SERTAD3: variants seen among roughly 807,000 people sequenced by gnomAD.
SERTAD3 encodes SERTA domain containing 3, also known as SERTA domain-containing protein 3.
SERTAD3 carries 6 observed loss-of-function variants against 11.9 expected under a neutral mutation model. The ratio of observed to expected loss-of-function variants is 0.50; its 90% CI spans 0.28 to 0.99. The LOEUF (loss-of-function observed/expected upper bound fraction) is 0.99. SERTAD3 is among the 50% of genes least tolerant of loss of function. SERTAD3 has a pLI of 0.11. For synonymous variants in SERTAD3, 101 were observed against 98.9 expected (o/e 1.02, Z -0.13); for missense variants, 261 against 240.9 (o/e 1.08, Z -0.55).
Position 40,440,944 on chromosome 19 carries a change from G to A in SERTAD3, c.*546C>T, listed in dbSNP as rs1309630491. 2 of 151,524 alleles carry A rather than the reference G, an allele frequency of 1.3e-5. No homozygotes were observed. Among genetic ancestry groups the A allele is most frequent in the Non-Finnish European group, 2.9e-5 (2 of 67,922 alleles). 9.4% of individuals were successfully genotyped at this position (151,524 alleles called of 1,614,324 possible). On this transcript the variant is annotated 3_prime_UTR_variant, in exon 2 of 2. Coordinates refer to ENST00000322354, the MANE Select transcript of SERTAD3 (RefSeq NM_203344.3). ...CCTTTCTTTTAAATAACCCGGCATG[G>A]AGCAGTTTGGTTTCCACCCTATTGC...
intron 1 of SERTAD3, among the ~76,000 whole-genome samples, chr19:40,442,919 T>C (rs2079689115): frequency 6.6e-6 from 1 of 152,092 alleles, no homozygotes; most frequent in Non-Finnish European, 1.5e-5. Flanking sequence ...GCCTACTATA[T>C]TCGAAATCTC....
chr19:40,442,016 C>T lies in SERTAD3; in HGVS notation c.65G>A (p.Ser22Asn). The T allele has an allele frequency of 6.6e-7, 1 of 1,518,254 alleles. No individual in the cohort carries two copies. Among genetic ancestry groups the T allele is most frequent in the Non-Finnish European group, 8.8e-7 (1 of 1,136,196 alleles). The allele number at this position is 1,518,254 out of a possible 1,614,324, so 94.0% of individuals were successfully genotyped here. Residue 22 changes from serine (S) to asparagine (N), a missense_variant, in exon 2 of 2, where the codon AGT (serine) becomes AAT (asparagine). Physicochemically the swap from Ser to Asn is conservative, Grantham distance 46. Coordinates refer to ENST00000322354, the MANE Select transcript of SERTAD3 (RefSeq NM_203344.3). ...CTGGTAGCTCTGAAGGCCTGCTGGA[C>T]TCCACTCCCACCTCTCCTCCTCCTC... ...LEEEEERWEW[S>N]PAGLQSYQQA...
chr19:40,443,291 C>T (rs1291400282), intron 1 of SERTAD3: 2 of 152,306 alleles, frequency 1.3e-5, no homozygotes, highest in African/African-American at 4.8e-5. Flanking sequence ...GCACGCACTA[C>T]AATCCCCAGA....
At position 40,441,738 on chromosome 19, in the gene SERTAD3, G is replaced by A; in HGVS notation, c.343C>T (p.Pro115Ser). The A allele has an allele frequency of 6.2e-7, 1 of 1,614,108 alleles. No homozygotes were observed. Among genetic ancestry groups the A allele is most frequent in the Non-Finnish European group, 8.5e-7 (1 of 1,179,996 alleles). Residue 115 changes from proline to serine, a missense_variant, in exon 2 of 2, where the codon CCA (proline) becomes TCA (serine). Coordinates refer to ENST00000322354, the MANE Select transcript of SERTAD3 (RefSeq NM_203344.3). ...TTCTGGAGGCCAAGGGGAGTCACTG[G>A]ATTCTGAGGGGGCTCAGTCCCATCC... ...SMDGTEPPQN[P>S]VTPLGLQNEV...
chr19:40,441,054 C>G lies in SERTAD3; in HGVS notation c.*436G>C, dbSNP rs2368579. The G allele has an allele frequency of 0.25, 38,306 of 155,460 alleles. 6,014 individuals carry two copies. Among genetic ancestry groups the G allele is most frequent in the African/African-American group, 0.45 (18,707 of 41,410 alleles). The allele number at this position is 155,460 out of a possible 1,614,324, so 9.6% of individuals were successfully genotyped here. On this transcript the variant is annotated 3_prime_UTR_variant, in exon 2 of 2. Coordinates refer to ENST00000322354, the MANE Select transcript of SERTAD3 (RefSeq NM_203344.3). ...AGTGGGGTTCAGCCTGGAGGGAGGACACCAGCCCCTCCCACCCCCTCAAGG... is the reference window on the plus strand; with the variant it reads ...AGTGGGGTTCAGCCTGGAGGGAGGAGACCAGCCCCTCCCACCCCCTCAAGG...
rs1479575610 is a variant in SERTAD3 at position 40,444,241 on chromosome 19, C to A, written c.-33G>T. 1 of 152,492 alleles carries A rather than the reference C, an allele frequency of 6.6e-6. No homozygotes were observed. Among genetic ancestry groups the A allele is most frequent in the Non-Finnish European group, 1.5e-5 (1 of 68,254 alleles). 9.4% of individuals were successfully genotyped at this position (152,492 alleles called of 1,614,324 possible). On this transcript the variant is annotated 5_prime_UTR_variant, in exon 1 of 2. Coordinates refer to ENST00000322354, the MANE Select transcript of SERTAD3 (RefSeq NM_203344.3). Reference sequence around the variant, plus strand: ...GCAGCTGCCAGGTTCGCCACGACCACCTCCTGGAACGCCCACAGCGTTGCG... The same window carrying A: ...GCAGCTGCCAGGTTCGCCACGACCAACTCCTGGAACGCCCACAGCGTTGCG...
At chr19:40,444,052 G>A (rs569159921) in intron 1 of SERTAD3, 163 bp downstream of exon 1, 1 of 152,518 alleles carries the variant, frequency 6.6e-6, no homozygotes, top group African/African-American at 2.4e-5. Flanking sequence ...CCCCTCCTGG[G>A]TCTTGAACTC....
intron 1 of SERTAD3, among the ~76,000 whole-genome samples, chr19:40,443,092 G>A (rs2079690381): frequency 6.6e-6 from 1 of 151,730 alleles, no homozygotes; most frequent in Non-Finnish European, 1.5e-5. Flanking sequence ...GCGCCCCATA[G>A]GAAAACTTGC....
Position 40,442,097 on chromosome 19 carries a change from A to G in SERTAD3, c.-6-11T>C. The G allele has an allele frequency of 7.0e-7, 1 of 1,429,814 alleles. No individual in the cohort carries two copies. Among genetic ancestry groups the G allele is most frequent in the Non-Finnish European group, 9.2e-7 (1 of 1,086,070 alleles). The allele number at this position is 1,429,814 out of a possible 1,614,324, so 88.6% of individuals were successfully genotyped here. ...TCCCACCATGATGCCCTGTAGAGAGAAGAGGCGCATAGGGGAAGGTCAGAC... is the reference window on the plus strand; with the variant it reads ...TCCCACCATGATGCCCTGTAGAGAGGAGAGGCGCATAGGGGAAGGTCAGAC... On this transcript the variant is annotated splice_polypyrimidine_tract_variant and intron_variant, in intron 1 of 1. Transcript: ENST00000322354.
At chr19:40,443,133 C>G (rs548390809) in intron 1 of SERTAD3, among the ~76,000 whole-genome samples, 140 of 152,168 alleles carry the variant, frequency 9.2e-4, no homozygotes, top group African/African-American at 3.1e-3. Context: ...GCCCCGCCCC[C>G]TCGGAGGTCC....
chr19:40,443,169 A>G (rs1167770896), intron 1 of SERTAD3, among the ~76,000 whole-genome samples: 18 of 151,572 alleles, frequency 1.2e-4, no homozygotes, highest in African/African-American at 4.4e-4. Flanking sequence ...CGACACTGTA[A>G]GGCCCCGCCC....
chr19:40,442,841 G>T (rs1300901012), intron 1 of SERTAD3, among the ~76,000 whole-genome samples: 1 of 152,134 alleles, frequency 6.6e-6, no homozygotes, highest in Non-Finnish European at 1.5e-5. Flanking sequence ...GAGTAGCTGG[G>T]ATTACCACCA....
At chr19:40,442,143 C>T (rs62109496) in intron 1 of SERTAD3, 57 bp from the exon 2 acceptor site, 8 of 1,068,346 alleles carry the variant, frequency 7.5e-6, no homozygotes, top group Non-Finnish European at 1.0e-5. Flanking sequence ...GTAGTGCTGG[C>T]TCATATCCCA....
At chr19:40,443,050 C>T (rs2084106375) in intron 1 of SERTAD3, among the ~76,000 whole-genome samples, 2 of 151,802 alleles carry the variant, frequency 1.3e-5, no homozygotes, top group African/African-American at 2.4e-5. Flanking sequence ...TGTCTCATTC[C>T]CTCTGCCCAC....
At position 40,441,531 on chromosome 19, in the gene SERTAD3, T is replaced by G; in HGVS notation, c.550A>C (p.Asn184His). 6.2e-7 allele frequency: 1 copy of G among 1,613,408 alleles called. No individual in the cohort carries two copies. Among genetic ancestry groups the G allele is most frequent in the Non-Finnish European group, 8.5e-7 (1 of 1,179,808 alleles). ...ATTTCCATGATGTGATCCAGTTCATTCCACTCCCAAGAACCTGGGGCACAG... is the reference window on the plus strand; with the variant it reads ...ATTTCCATGATGTGATCCAGTTCATGCCACTCCCAAGAACCTGGGGCACAG... The part of the protein sequence containing the change: ...LFCAPGSWEW[N>H]ELDHIMEIIL... The change falls in exon 2 of 2, where the codon AAT becomes CAT. Residue 184 changes from asparagine to histidine, a missense_variant. Transcript: ENST00000322354.
In SERTAD3 at chr19:40,441,641, A is replaced by G; in HGVS notation, c.440T>C (p.Leu147Pro). The change falls in exon 2 of 2, where the codon CTG (leucine) becomes CCG (proline). Residue 147 changes from leucine to proline, a missense_variant. Coordinates refer to ENST00000322354, the MANE Select transcript of SERTAD3 (RefSeq NM_203344.3). ...LSSRYLGDSGLDDFFLDIDTS... is the reference protein window; with the variant it reads ...LSSRYLGDSGPDDFFLDIDTS... ...GTCAATGTCCAGAAAGAAGTCATCCAGGCCAGAGTCCCCCAAGTACCGGGA... is the reference window on the plus strand; with the variant it reads ...GTCAATGTCCAGAAAGAAGTCATCCGGGCCAGAGTCCCCCAAGTACCGGGA... 6.2e-7 allele frequency: 1 copy of G among 1,614,192 alleles called. No individual in the cohort carries two copies. The highest frequency in any genetic ancestry group is 8.5e-7 in the Non-Finnish European group (1 of 1,180,042).
Position 40,441,908 on chromosome 19 carries a change from A to G in SERTAD3, c.173T>C (p.Ile58Thr). 2.5e-6 allele frequency: 4 copies of G among 1,579,562 alleles called. No individual in the cohort carries two copies. The highest frequency in any genetic ancestry group is 3.4e-6 in the Non-Finnish European group (4 of 1,163,400). The change falls in exon 2 of 2, where the codon ATC becomes ACC. Residue 58 changes from isoleucine to threonine, a missense_variant. Coordinates refer to ENST00000322354, the MANE Select transcript of SERTAD3 (RefSeq NM_203344.3). ...RAPSLRRHVL[I>T]HNTLQQLQAA... ...CTGCAGCTGTTGGAGGGTGTTATGG[A>G]TGAGGACATGCCTGCGGAGGCTGGG...
intron 1 of SERTAD3, among the ~76,000 whole-genome samples, chr19:40,442,798 T>TG (rs1190353622): frequency 6.6e-6 from 1 of 152,134 alleles, no homozygotes; most frequent in Non-Finnish European, 1.5e-5. Context: ...CTCGAAGTCC[T>TG]GGGCTCAAGC....
Position 40,441,665 on chromosome 19 carries a change from G to A in SERTAD3, c.416C>T (p.Ser139Phe). 6.2e-7 allele frequency: 1 copy of A among 1,614,204 alleles called. No individual in the cohort carries two copies. Among genetic ancestry groups the A allele is most frequent in the Non-Finnish European group, 8.5e-7 (1 of 1,180,030 alleles). ...PDPVFLEALS[S>F]RYLGDSGLDD... is the part of the protein sequence containing the mutation. ...CAGGCCAGAGTCCCCCAAGTACCGG[G>A]AGCTCAGAGCTTCTAAGAAGACTGG... The change falls in exon 2 of 2, where the codon TCC (serine) becomes TTC (phenylalanine). Residue 139 changes from serine to phenylalanine, a missense_variant. Coordinates refer to ENST00000322354, the MANE Select transcript of SERTAD3 (RefSeq NM_203344.3).
Sources: allele counts gnomAD v4.1 joint callset (sites outside exome capture counted in the v4.1 genomes callset), GRCh38; gene constraint gnomAD v4.1.1; transcripts MANE v1.5; gene names NCBI Gene and HGNC (gene_info 2026-07-23, HGNC 2026-07-21).